ABCB7: variants seen among roughly 807,000 people sequenced by gnomAD.
The protein encoded by ABCB7 is ATP binding cassette subfamily B member 7.
ABCB7 carries 7 observed loss-of-function variants against 54.4 expected under a neutral mutation model. The observed-to-expected ratio is 0.13, with a 90% confidence interval of 0.07 to 0.24. The LOEUF (loss-of-function observed/expected upper bound fraction) is 0.24. ABCB7 is among the 10% of genes least tolerant of loss of function. The probability of loss-of-function intolerance (pLI) is 1.00; values close to 1 mark genes in which losing one functional copy is unlikely to be tolerated. For synonymous variants in ABCB7, 218 were observed against 207.1 expected (o/e 1.05, Z -0.45); for missense variants, 356 against 570.4 (o/e 0.62, Z 3.83).
chrX:75,137,537 C>T (rs894367855), intron 1 of ABCB7, among the ~76,000 whole-genome samples: 18 of 112,094 alleles, frequency 1.6e-4, no homozygotes, highest in African/African-American at 5.2e-4. Flanking sequence ...GGGTATACAC[C>T]CAAAGGAATA....
At chrX:75,146,221 C>A (rs1357049227) in intron 1 of ABCB7, among the ~76,000 whole-genome samples, 5 of 111,806 alleles carry the variant, frequency 4.5e-5, no homozygotes, top group African/African-American at 1.6e-4. Context: ...TCAATATAGT[C>A]AGAATGGTCA....
At chrX:75,141,944 A>G (rs1346723454) in intron 1 of ABCB7, among the ~76,000 whole-genome samples, 1 of 111,969 alleles carries the variant, frequency 8.9e-6, no homozygotes, top group Non-Finnish European at 1.9e-5. Context: ...GGAAAAACAG[A>G]GCAACAAAAT....
chrX:75,083,202 C>G (rs775065605), intron 4 of ABCB7, among the ~76,000 whole-genome samples: 7 of 111,490 alleles, frequency 6.3e-5, no homozygotes, highest in Non-Finnish European at 1.3e-4. Flanking sequence ...GCGGGAAGAG[C>G]TATTCTGTGC....
intron 4 of ABCB7, among the ~76,000 whole-genome samples, chrX:75,088,236 G>C (rs969887950): frequency 8.9e-6 from 1 of 112,058 alleles, no homozygotes; most frequent in Non-Finnish European, 1.9e-5. Context: ...CACATTAAAG[G>C]CATATTTATC....
At chrX:75,115,635 C>T (rs993041508) in intron 1 of ABCB7, among the ~76,000 whole-genome samples, 3 of 108,349 alleles carry the variant, frequency 2.8e-5, no homozygotes, top group South Asian at 8.2e-4. Flanking sequence ...TTTTGACAAA[C>T]GATTCTATGT....
chrX:75,130,114 C>T (rs778557750), intron 1 of ABCB7, among the ~76,000 whole-genome samples: 7 of 111,774 alleles, frequency 6.3e-5, no homozygotes, highest in Non-Finnish European at 1.1e-4. Flanking sequence ...AGGGAATTTA[C>T]TAATTGTCAT....
intron 15 of ABCB7, among the ~76,000 whole-genome samples, chrX:75,059,349 T>C (rs903603656): frequency 9.1e-6 from 1 of 109,547 alleles, no homozygotes; most frequent in Non-Finnish European, 1.9e-5. Context: ...CATGCCTGTA[T>C]AGTCCCAGCT....
chrX:75,058,327 C>T (rs145965652), intron 15 of ABCB7, among the ~76,000 whole-genome samples: 1,333 of 111,578 alleles, frequency 0.012, 8 homozygotes, highest in Admixed American at 0.02. Context: ...GTTACTCCTT[C>T]TCCTATTATC....
At chrX:75,119,973 T>G (rs1448916777) in intron 1 of ABCB7, among the ~76,000 whole-genome samples, 2 of 112,032 alleles carry the variant, frequency 1.8e-5, no homozygotes, top group Non-Finnish European at 3.8e-5. Flanking sequence ...TTTGCAGATT[T>G]ATGAAATTAG....
At chrX:75,129,759 T>A (rs1198378960) in intron 1 of ABCB7, among the ~76,000 whole-genome samples, 1 of 110,039 alleles carries the variant, frequency 9.1e-6, no homozygotes, top group Non-Finnish European at 1.9e-5. Context: ...ACTTTTCGTA[T>A]TTTTGTTTTG....
chrX:75,064,119 A>C (rs1412994153), intron 13 of ABCB7, among the ~76,000 whole-genome samples: 1 of 111,878 alleles, frequency 8.9e-6, no homozygotes, highest in Non-Finnish European at 1.9e-5. Context: ...GACCCAATCA[A>C]CTTAACTTGG....
intron 15 of ABCB7, among the ~76,000 whole-genome samples, chrX:75,059,305 C>T: frequency 9.1e-6 from 1 of 109,636 alleles, no homozygotes; most frequent in Non-Finnish European, 1.9e-5. Context: ...TGGTGAAACC[C>T]TATCTCTACA....
chrX:75,121,755 C>T (rs757063357), intron 1 of ABCB7, among the ~76,000 whole-genome samples: 3 of 112,351 alleles, frequency 2.7e-5, no homozygotes, highest in Admixed American at 1.9e-4. Flanking sequence ...TATTGTTGTA[C>T]TCTTTGTGCA....
rs1269224194 is a variant in ABCB7 at position 75,148,116 on chromosome X, AAAAAAAT to A, written c.168+7982_168+7988del. Among the ~76,000 whole-genome samples the A allele has an allele frequency of 4.1e-3, 461 of 111,297 alleles. 1 individual carries two copies. Among genetic ancestry groups the A allele is most frequent in the African/African-American group, 0.015 (444 of 30,537 alleles). Reference sequence around the variant, plus strand: ...GGGTGACAGAGCACAACTCCATCGCAAAAAAATAAAAAATAAAAAATAAACAAATAAA... The same window carrying A: ...GGGTGACAGAGCACAACTCCATCGCAAAAAAATAAAAAATAAACAAATAAA... On this transcript the variant is annotated intron_variant, in intron 1 of 15. Transcript: ENST00000373394.
At chrX:75,136,717 C>T (rs926589044) in intron 1 of ABCB7, among the ~76,000 whole-genome samples, 1 of 111,469 alleles carries the variant, frequency 9.0e-6, no homozygotes, top group African/African-American at 3.3e-5. Context: ...GGTTAGAGGA[C>T]CCAGAAATAA....
At chrX:75,127,805 C>T (rs1212989205) in intron 1 of ABCB7, among the ~76,000 whole-genome samples, 1 of 111,856 alleles carries the variant, frequency 8.9e-6, no homozygotes, top group Non-Finnish European at 1.9e-5. Context: ...ACACCAATAA[C>T]AGACAAACAG....
intron 1 of ABCB7, among the ~76,000 whole-genome samples, chrX:75,115,137 G>A (rs568583729): frequency 3.7e-5 from 4 of 107,071 alleles, no homozygotes; most frequent in South Asian, 4.2e-4. Flanking sequence ...GCGTGGTGGC[G>A]TGCGCCTGTA....
chrX:75,120,125 T>C (rs770957080), intron 1 of ABCB7, among the ~76,000 whole-genome samples: 11 of 112,138 alleles, frequency 9.8e-5, no homozygotes, highest in Non-Finnish European at 1.3e-4. Flanking sequence ...CTGCTGATCC[T>C]TTGTTTTATT....
chrX:75,136,039 A>C (rs1245744791), intron 1 of ABCB7, among the ~76,000 whole-genome samples: 3 of 110,453 alleles, frequency 2.7e-5, no homozygotes, highest in African/African-American at 9.9e-5. Context: ...AAATCAATTT[A>C]TCTCTCTTCA....
Sources: allele counts gnomAD v4.1 joint callset (sites outside exome capture counted in the v4.1 genomes callset), GRCh38; gene constraint gnomAD v4.1.1; transcripts MANE v1.5; gene names NCBI Gene and HGNC (gene_info 2026-07-23, HGNC 2026-07-21).